PIGK: variants seen among roughly 807,000 people sequenced by gnomAD.
PIGK encodes GPI-anchor transamidase.
Under a neutral mutation model 50.6 loss-of-function variants are expected in PIGK, and 42 were observed. The observed-to-expected ratio is 0.83, with a 90% confidence interval of 0.65 to 1.07. The LOEUF is 1.07. Ranked by LOEUF, PIGK falls within the 50% of genes least tolerant of loss-of-function variation. PIGK has a pLI of 0.00. For synonymous variants in PIGK, 151 were observed against 156.0 expected (o/e 0.97, Z 0.24); for missense variants, 448 against 488.7 (o/e 0.92, Z 0.78).
At chr1:77,117,566 A>G (rs927848195) in intron 10 of PIGK, among the ~76,000 whole-genome samples, 8 of 152,166 alleles carry the variant, frequency 5.3e-5, no homozygotes, top group African/African-American at 1.9e-4. Context: ...TTTGCACCCA[A>G]TCTCTGAGGT....
At chr1:77,139,832 A>C (rs1391483070) in intron 9 of PIGK, among the ~76,000 whole-genome samples, 6 of 152,216 alleles carry the variant, frequency 3.9e-5, no homozygotes, top group Non-Finnish European at 8.8e-5. Flanking sequence ...TGTCAGCAAC[A>C]TTACAAAAGT....
intron 5 of PIGK, among the ~76,000 whole-genome samples, chr1:77,165,506 C>T (rs1655214523): frequency 6.6e-6 from 1 of 151,712 alleles, no homozygotes; most frequent in South Asian, 2.1e-4. Flanking sequence ...CCTGCTTTAT[C>T]ATCAGTTGAA....
intron 10 of PIGK, among the ~76,000 whole-genome samples, chr1:77,103,560 G>T (rs1407899661): frequency 6.6e-6 from 1 of 152,210 alleles, no homozygotes; most frequent in East Asian, 1.9e-4. Flanking sequence ...CCAGTTTTCT[G>T]ATCCCTGAGA....
At chr1:77,109,039 C>A (rs1337064315) in intron 10 of PIGK, among the ~76,000 whole-genome samples, 1 of 152,098 alleles carries the variant, frequency 6.6e-6, no homozygotes, top group Non-Finnish European at 1.5e-5. Context: ...AACACATACA[C>A]CCTCCCAAGA....
rs1439398253 is a variant in PIGK, at chr1:77,089,927, T to G, written c.*2447A>C. Reference sequence around the variant, plus strand: ...GCAGGGATTCATTTATCTACATTCCTTTTCTCTCTGAAGGACACCATGGGG... The same window carrying G: ...GCAGGGATTCATTTATCTACATTCCGTTTCTCTCTGAAGGACACCATGGGG... On this transcript the variant is annotated 3_prime_UTR_variant, in exon 11 of 11. Transcript: ENST00000370812. The G allele has an allele frequency of 6.6e-6, 1 of 152,208 alleles. No homozygotes were observed. Among genetic ancestry groups the G allele is most frequent in the East Asian group, 1.9e-4 (1 of 5,190 alleles). The allele number at this position is 152,208 out of a possible 1,614,324, so 9.4% of individuals were successfully genotyped here. A position where few individuals can be genotyped will look rare whatever the true frequency, so the allele number is the denominator to read the frequency against.
At chr1:77,144,289 A>C (rs1331542083) in intron 9 of PIGK, among the ~76,000 whole-genome samples, 1 of 151,984 alleles carries the variant, frequency 6.6e-6, no homozygotes, top group Admixed American at 6.6e-5. Flanking sequence ...TCAAAAAGAC[A>C]TAAATCAAAG....
chr1:77,186,332 G>A (rs938439271), intron 3 of PIGK, among the ~76,000 whole-genome samples: 13 of 152,324 alleles, frequency 8.5e-5, no homozygotes, highest in Non-Finnish European at 7.4e-5. Flanking sequence ...GAAGGACAGC[G>A]GTAAAGGGAA....
At position 77,161,603 on chromosome 1, in the gene PIGK, A is replaced by T; in HGVS notation, c.693T>A (p.Asp231Glu). ...MALASSQVGEDSLSHQPDPAI... is the reference protein window; with the variant it reads ...MALASSQVGEESLSHQPDPAI... ...GGGAAAATGCACATACCGAGAGTGA[A>T]TCTTCTCCCACTTGACTACTAGCTA... is the stretch of plus-strand genomic sequence containing the variant. Residue 231 changes from aspartate to glutamate, a missense_variant, in exon 7 of 11, where the codon GAT (aspartate) becomes GAA (glutamate). Transcript: ENST00000370812. 1 of 1,431,352 alleles carries T rather than the reference A, an allele frequency of 7.0e-7. No individual in the cohort carries two copies. The highest frequency in any genetic ancestry group is 1.1e-5 in the South Asian group (1 of 87,404). The allele number at this position is 1,431,352 out of a possible 1,614,324, so 88.7% of individuals were successfully genotyped here. A position where few individuals can be genotyped will look rare whatever the true frequency, so the allele number is the denominator to read the frequency against.
At chr1:77,174,916 A>ATGT in intron 3 of PIGK, among the ~76,000 whole-genome samples, 1 of 73,890 alleles carries the variant, frequency 1.4e-5, no homozygotes, top group South Asian at 6.1e-4. Context: ...CAACTACTGG[A>ATGT]TCTTCTTCTG....
At chr1:77,141,510 C>G (rs1654649996) in intron 9 of PIGK, among the ~76,000 whole-genome samples, 1 of 152,044 alleles carries the variant, frequency 6.6e-6, no homozygotes, top group Non-Finnish European at 1.5e-5. Flanking sequence ...ACAATTTCAT[C>G]AAATTAAAGA....
intron 3 of PIGK, among the ~76,000 whole-genome samples, chr1:77,192,691 T>C: frequency 6.6e-6 from 1 of 152,154 alleles, no homozygotes; most frequent in Middle Eastern, 3.2e-3. Context: ...TAAAATTTCT[T>C]CCACTTCTAA....
chr1:77,203,434 T>C (rs930457472), intron 3 of PIGK, among the ~76,000 whole-genome samples: 13 of 152,082 alleles, frequency 8.5e-5, no homozygotes, highest in African/African-American at 2.9e-4. Context: ...TTTGTGTGGG[T>C]ACAAAGTACA....
intron 10 of PIGK, among the ~76,000 whole-genome samples, chr1:77,105,295 T>C (rs1653643138): frequency 6.6e-6 from 1 of 151,840 alleles, no homozygotes. Context: ...GGGCAGGCCA[T>C]AGGTAGTTTT....
chr1:77,125,079 C>T (rs1387142916), intron 9 of PIGK, among the ~76,000 whole-genome samples: 1 of 152,166 alleles, frequency 6.6e-6, no homozygotes, highest in Admixed American at 6.5e-5. Context: ...TCTTCATTGG[C>T]TCTTCCAAAA....
At chr1:77,201,867 G>A (rs1440289241) in intron 3 of PIGK, among the ~76,000 whole-genome samples, 8 of 152,038 alleles carry the variant, frequency 5.3e-5, no homozygotes, top group Non-Finnish European at 1.0e-4. Flanking sequence ...GAACAGCCTG[G>A]GCACCATTGT....
intron 9 of PIGK, among the ~76,000 whole-genome samples, chr1:77,153,154 T>C (rs1183971700): frequency 6.6e-6 from 1 of 152,096 alleles, no homozygotes; most frequent in Non-Finnish European, 1.5e-5. Context: ...AATGTATATA[T>C]ACACAATAAA....
chr1:77,191,474 T>C (rs1655902663), intron 3 of PIGK, among the ~76,000 whole-genome samples: 1 of 152,232 alleles, frequency 6.6e-6, no homozygotes, highest in African/African-American at 2.4e-5. Flanking sequence ...ACAGTCTACA[T>C]CTAACCTCTT....
intron 3 of PIGK, among the ~76,000 whole-genome samples, chr1:77,200,731 T>C (rs1206960895): frequency 6.6e-6 from 1 of 152,182 alleles, no homozygotes; most frequent in African/African-American, 2.4e-5. Context: ...GCTCTGGCCA[T>C]AAAGTCAGAA....
intron 3 of PIGK, among the ~76,000 whole-genome samples, chr1:77,188,029 G>A (rs949229811): frequency 3.9e-5 from 6 of 152,054 alleles, no homozygotes; most frequent in South Asian, 2.1e-4. Context: ...CCTGTCAGCC[G>A]AGGAAGATGT....
Sources: allele counts gnomAD v4.1 joint callset (sites outside exome capture counted in the v4.1 genomes callset), GRCh38; gene constraint gnomAD v4.1.1; transcripts MANE v1.5; gene names NCBI Gene and HGNC (gene_info 2026-07-23, HGNC 2026-07-21).